CPVL: variants seen among roughly 807,000 people sequenced by gnomAD.
CPVL encodes carboxypeptidase vitellogenic like.
A neutral mutation model predicts 63.7 loss-of-function variants in CPVL; 51 were observed. That is an observed-to-expected ratio of 0.80 (90% CI 0.64 to 1.01). The LOEUF (loss-of-function observed/expected upper bound fraction) is 1.01, where lower values mean the gene tolerates loss of function less well. Among genes scored for constraint, CPVL ranks in the 50% least tolerant of loss-of-function variants. The pLI, the probability that CPVL is intolerant of heterozygous loss-of-function variation, is 0.00. For synonymous variants in CPVL, 195 were observed against 206.0 expected (o/e 0.95, Z 0.46); for missense variants, 530 against 573.1 (o/e 0.92, Z 0.77).
intron 1 of CPVL, among the ~76,000 whole-genome samples, chr7:29,143,256 C>G (rs1792092831): frequency 6.6e-6 from 1 of 152,238 alleles, no homozygotes; most frequent in Non-Finnish European, 1.5e-5. Flanking sequence ...TCCTTGTTCC[C>G]TAACCCTACC....
intron 1 of CPVL, chr7:29,122,653 C>T (rs577005374): frequency 1.3e-5 from 2 of 148,840 alleles, no homozygotes; most frequent in South Asian, 2.1e-4. Context: ...GTAAGGAAAA[C>T]TTGAATCAAA....
At chr7:29,074,907 G>C (rs553563776) in intron 7 of CPVL, among the ~76,000 whole-genome samples, 1 of 151,866 alleles carries the variant, frequency 6.6e-6, no homozygotes, top group Admixed American at 6.6e-5. Flanking sequence ...ATAGAGCAAA[G>C]TTTACGATTT....
intron 8 of CPVL, among the ~76,000 whole-genome samples, 157 bp downstream of exon 8, chr7:29,072,144 C>T (rs539200400): frequency 1.3e-5 from 2 of 152,194 alleles, no homozygotes; most frequent in Middle Eastern, 3.4e-3. Context: ...TAAATTGATA[C>T]GTTGAAACAT....
intron 8 of CPVL, 126 bp from the exon 9 acceptor site, chr7:29,072,030 A>G: frequency 8.7e-7 from 1 of 1,149,506 alleles, no homozygotes; most frequent in Non-Finnish European, 1.2e-6. Flanking sequence ...AAGTAGGATA[A>G]TTACATGCAC....
At chr7:29,021,326 A>G in intron 12 of CPVL, among the ~76,000 whole-genome samples, 1 of 152,168 alleles carries the variant, frequency 6.6e-6, no homozygotes, top group East Asian at 1.9e-4. Flanking sequence ...TTGAATCTGC[A>G]ATTGAAAACC....
chr7:29,194,750 T>TAGC, intron 1 of CPVL: 1 of 452,736 alleles, frequency 2.2e-6, no homozygotes, highest in Non-Finnish European at 3.7e-6. Flanking sequence ...CACAAATAAA[T>TAGC]AGCGGCGGCG....
chr7:29,159,050 AG>A (rs1794818058), intron 5 of CPVL, among the ~76,000 whole-genome samples: 1 of 152,220 alleles, frequency 6.6e-6, no homozygotes, highest in Admixed American at 6.5e-5. Context: ...ATTAAAACCT[AG>A]CCACCCATTT....
At chr7:29,102,490 T>G (rs1317414150) in intron 3 of CPVL, among the ~76,000 whole-genome samples, 1 of 152,142 alleles carries the variant, frequency 6.6e-6, no homozygotes. Context: ...ACTACATATT[T>G]AAGAAGAAAA....
chr7:29,118,565 A>T (rs1789019106), intron 2 of CPVL, among the ~76,000 whole-genome samples: 1 of 152,214 alleles, frequency 6.6e-6, no homozygotes, highest in African/African-American at 2.4e-5. Flanking sequence ...TAGAAAAGAG[A>T]TGGTGAAACT....
intron 7 of CPVL, 43 bp from the exon 8 acceptor site, chr7:29,072,466 C>T (rs1308456490): frequency 1.2e-5 from 20 of 1,601,790 alleles, no homozygotes; most frequent in Middle Eastern, 3.3e-4. Flanking sequence ...CAAATGGATG[C>T]TAGTAAAATT....
intron 11 of CPVL, among the ~76,000 whole-genome samples, chr7:29,059,667 C>T (rs1282050030): frequency 5.3e-5 from 8 of 152,144 alleles, no homozygotes; most frequent in Non-Finnish European, 8.8e-5. Flanking sequence ...ACTCAACAGT[C>T]TGGGTATACA....
intron 7 of CPVL, among the ~76,000 whole-genome samples, chr7:29,078,090 A>G (rs763946262): frequency 2.0e-5 from 3 of 152,152 alleles, no homozygotes; most frequent in Non-Finnish European, 2.9e-5. Flanking sequence ...TAATTTCAAG[A>G]CCATACTGCT....
At chr7:29,001,929 GA>G (rs1784682372) in intron 12 of CPVL, among the ~76,000 whole-genome samples, 1 of 152,062 alleles carries the variant, frequency 6.6e-6, no homozygotes. Flanking sequence ...TTATTCCACA[GA>G]AAACAATAGA....
At chr7:29,060,790 C>G (rs1295398368) in intron 11 of CPVL, among the ~76,000 whole-genome samples, 1 of 152,186 alleles carries the variant, frequency 6.6e-6, no homozygotes, top group Non-Finnish European at 1.5e-5. Context: ...AAAAAGACCT[C>G]TAGTTCCTAT....
At chr7:29,034,376 G>C (rs1405967844) in intron 11 of CPVL, among the ~76,000 whole-genome samples, 1 of 152,112 alleles carries the variant, frequency 6.6e-6, no homozygotes, top group Non-Finnish European at 1.5e-5. Context: ...TTCCCAAAAT[G>C]CTGGGATTAC....
intron 11 of CPVL, among the ~76,000 whole-genome samples, chr7:29,056,597 T>C (rs571913954): frequency 6.6e-6 from 1 of 152,364 alleles, no homozygotes; most frequent in East Asian, 1.9e-4. Context: ...ATATCTTGGT[T>C]GTTTCCAAGT....
chr7:29,005,688 C>T (rs986521308), intron 12 of CPVL, among the ~76,000 whole-genome samples: 2 of 152,194 alleles, frequency 1.3e-5, no homozygotes, highest in Admixed American at 6.5e-5. Context: ...CCTTACTTGT[C>T]GTAGCAGAAT....
intron 6 of CPVL, 113 bp downstream of exon 6, chr7:29,092,510 G>A (rs1785919006): frequency 8.8e-6 from 6 of 680,618 alleles, no homozygotes; most frequent in Admixed American, 7.7e-5. Context: ...TTATCTTCAG[G>A]AATTGGACTA....
chr7:29,027,323 G>C (rs1227668523), intron 12 of CPVL, among the ~76,000 whole-genome samples: 1 of 152,032 alleles, frequency 6.6e-6, no homozygotes, highest in Non-Finnish European at 1.5e-5. Flanking sequence ...ATCAGGCATA[G>C]AAGGAACATA....
Sources: allele counts gnomAD v4.1 joint callset (sites outside exome capture counted in the v4.1 genomes callset), GRCh38; gene constraint gnomAD v4.1.1; transcripts MANE v1.5; gene names NCBI Gene and HGNC (gene_info 2026-07-23, HGNC 2026-07-21).